JAK1: variants seen among roughly 807,000 people sequenced by gnomAD.
JAK1 encodes the protein tyrosine-protein kinase JAK1.
In JAK1, 16 loss-of-function variants were observed where a neutral mutation model predicts 136.6. The ratio of observed to expected loss-of-function variants is 0.12; its 90% CI spans 0.08 to 0.18. JAK1 has a LOEUF of 0.18. Among genes scored for constraint, JAK1 ranks in the 10% least tolerant of loss-of-function variants. JAK1 has a pLI of 1.00. For missense variants in JAK1, 859 were observed against 1,450.1 expected (o/e 0.59, Z 6.62); for synonymous variants, 492 against 519.5 (o/e 0.95, Z 0.72).
chr1:64,837,897 A>G (rs747474966), intron 22 of JAK1, 35 bp downstream of exon 22: 4 of 1,574,986 alleles, frequency 2.5e-6, no homozygotes, highest in Admixed American at 3.4e-5. Flanking sequence ...AACTCTATGA[A>G]GCATTGATAA....
intron 4 of JAK1, among the ~76,000 whole-genome samples, chr1:64,878,606 T>C (rs977758885): frequency 2.2e-4 from 25 of 116,050 alleles, no homozygotes; most frequent in Non-Finnish European, 4.4e-4. Context: ...TATATATATA[T>C]CTCAAAAGTT....
intron 2 of JAK1, among the ~76,000 whole-genome samples, chr1:65,025,478 G>A (rs970545188): frequency 2.1e-4 from 32 of 152,142 alleles, no homozygotes; most frequent in Non-Finnish European, 1.5e-4. Flanking sequence ...GCAAAGAGGT[G>A]AGGCCACAGG....
upstream of JAK1, among the ~76,000 whole-genome samples, chr1:64,967,085 T>C (rs1390597875): frequency 6.6e-6 from 1 of 151,632 alleles, no homozygotes; most frequent in Non-Finnish European, 1.5e-5. Context: ...ATATGCATAA[T>C]AGGAATTAGA....
chr1:64,999,310 T>C (rs1646731542), intron 2 of JAK1, among the ~76,000 whole-genome samples: 1 of 152,218 alleles, frequency 6.6e-6, no homozygotes, highest in Non-Finnish European at 1.5e-5. Flanking sequence ...ATAACTCACA[T>C]GTGTTCATTT....
At chr1:64,881,271 T>G (rs1171117961) in intron 3 of JAK1, among the ~76,000 whole-genome samples, 7 of 151,556 alleles carry the variant, frequency 4.6e-5, no homozygotes, top group African/African-American at 1.5e-4. Flanking sequence ...CTAAAAAATA[T>G]TAAAATTTTA....
chr1:65,047,494 A>G (rs912316288), intron 1 of JAK1, among the ~76,000 whole-genome samples: 5 of 152,180 alleles, frequency 3.3e-5, no homozygotes, highest in Non-Finnish European at 7.3e-5. Flanking sequence ...CAAGACGGGC[A>G]AATCACAAGG....
chr1:64,900,092 C>T (rs1645081339), intron 1 of JAK1, among the ~76,000 whole-genome samples: 1 of 152,140 alleles, frequency 6.6e-6, no homozygotes, highest in Non-Finnish European at 1.5e-5. Flanking sequence ...AAGTCATTCC[C>T]CCTGGGTTAT....
chr1:64,986,040 G>T, intron 2 of JAK1: 1 of 1,323,788 alleles, frequency 7.6e-7, no homozygotes, highest in South Asian at 1.2e-5. Flanking sequence ...AGAGCCGATT[G>T]TAGCAATTGT....
At chr1:64,913,618 TGGGA>T (rs1227921796) in intron 1 of JAK1, among the ~76,000 whole-genome samples, 3 of 118,652 alleles carry the variant, frequency 2.5e-5, no homozygotes, top group African/African-American at 3.6e-5. Context: ...AGATTCCATT[TGGGA>T]GGGAGGGAGG....
chr1:64,893,187 C>A (rs975409729), intron 1 of JAK1, among the ~76,000 whole-genome samples: 1 of 151,972 alleles, frequency 6.6e-6, no homozygotes, highest in African/African-American at 2.4e-5. Flanking sequence ...ATCACAAGCA[C>A]AATTGTGCAG....
intron 1 of JAK1, among the ~76,000 whole-genome samples, chr1:64,933,656 G>A (rs1239740003): frequency 6.6e-6 from 1 of 152,088 alleles, no homozygotes; most frequent in East Asian, 1.9e-4. Flanking sequence ...TACACTGACT[G>A]TCTCTACAAA....
chr1:65,057,742 C>T (rs1647612444), intron 1 of JAK1: 1 of 154,682 alleles, frequency 6.5e-6, no homozygotes, highest in South Asian at 2.0e-4. Context: ...TTCCTGAAAT[C>T]GATATGTGCC....
At chr1:64,862,826 G>A (rs760916580) in intron 8 of JAK1, among the ~76,000 whole-genome samples, 2 of 152,208 alleles carry the variant, frequency 1.3e-5, no homozygotes, top group African/African-American at 4.8e-5. Context: ...AGACAGAGCT[G>A]GGCAAGTGCC....
At chr1:64,932,422 T>A (rs1401804740) in intron 1 of JAK1, among the ~76,000 whole-genome samples, 1 of 151,732 alleles carries the variant, frequency 6.6e-6, no homozygotes, top group African/African-American at 2.4e-5. Context: ...AAAAAAATAA[T>A]TAAATAAATA....
intron 2 of JAK1, among the ~76,000 whole-genome samples, chr1:64,987,890 T>C (rs938349455): frequency 2.6e-5 from 4 of 152,220 alleles, no homozygotes; most frequent in South Asian, 4.1e-4. Flanking sequence ...TAAAGTATTT[T>C]ATAACATAGG....
chr1:65,005,066 C>T (rs1646792815), intron 2 of JAK1, among the ~76,000 whole-genome samples: 1 of 152,134 alleles, frequency 6.6e-6, no homozygotes, highest in Admixed American at 6.6e-5. Flanking sequence ...TCTAGTTTGT[C>T]ATTATACCAG....
chr1:64,900,788 T>TA (rs1312582765), intron 1 of JAK1, among the ~76,000 whole-genome samples: 2 of 152,216 alleles, frequency 1.3e-5, no homozygotes, highest in Non-Finnish European at 2.9e-5. Context: ...TTAGGTGACA[T>TA]GGCTTACAAG....
chr1:64,882,613 C>T (rs781613117), intron 3 of JAK1, among the ~76,000 whole-genome samples: 3 of 152,182 alleles, frequency 2.0e-5, no homozygotes, highest in Non-Finnish European at 4.4e-5. Context: ...CTGCCAATGT[C>T]CTCAAGTTCA....
At chr1:64,975,690 T>C (rs1416238718) in intron 2 of JAK1, among the ~76,000 whole-genome samples, 1 of 152,224 alleles carries the variant, frequency 6.6e-6, no homozygotes, top group East Asian at 1.9e-4. Flanking sequence ...TCTTCATTCC[T>C]TGTGGATCTG....
Sources: allele counts gnomAD v4.1 joint callset (sites outside exome capture counted in the v4.1 genomes callset), GRCh38; gene constraint gnomAD v4.1.1; transcripts MANE v1.5; gene names NCBI Gene and HGNC (gene_info 2026-07-23, HGNC 2026-07-21).